The following TLE6 variants were observed in gnomAD, a reference collection of about 807,000 sequenced individuals.
TLE6 encodes the protein transducin-like enhancer protein 6.
Under a neutral mutation model 77.1 loss-of-function variants are expected in TLE6, and 72 were observed. The observed-to-expected ratio is 0.93, with a 90% CI of 0.77 to 1.14. TLE6 has a LOEUF of 1.14. Ranked by LOEUF, TLE6 falls within the 50% of genes most tolerant of loss-of-function variation. The probability of loss-of-function intolerance (pLI) is 0.00; values close to 1 mark genes in which losing one functional copy is unlikely to be tolerated. For synonymous variants in TLE6, 366 were observed against 287.3 expected (o/e 1.27, Z -2.77); for missense variants, 843 against 747.6 (o/e 1.13, Z -1.49).
chr19:2,991,856 T>A lies in TLE6; in HGVS notation c.1258T>A (p.Tyr420Asn). 6.2e-7 allele frequency: 1 copy of A among 1,613,786 alleles called. No individual in the cohort carries two copies. ...DQSVVRDLKG[Y>N]PDGVKSIVVK... The stretch of plus-strand genomic sequence containing the variant: ...CCTTCTGGCCAGGGACCTCAAGGGT[T>A]ATCCTGATGGAGTCAAGAGTATCGT... Residue 420 changes from tyrosine (Y) to asparagine (N), a missense_variant, in exon 14 of 17, where the codon TAT becomes AAT. Transcript: ENST00000246112.
At chr19:2,992,702 G>A (rs929034887) in intron 14 of TLE6, among the ~76,000 whole-genome samples, 2 of 149,896 alleles carry the variant, frequency 1.3e-5, no homozygotes, top group African/African-American at 4.9e-5. Flanking sequence ...TTGAGCCCGG[G>A]GAGGCTGAGG....
chr19:2,987,383 A>C lies in TLE6; in HGVS notation c.558+11A>C. 1 of 1,613,404 alleles carries C rather than the reference A, an allele frequency of 6.2e-7. No homozygotes were observed. The highest frequency in any genetic ancestry group is 1.1e-5 in the South Asian group (1 of 91,046). The stretch of plus-strand genomic sequence containing the variant: ...CAGGCACCAGGCCTGGTGAGTAAAC[A>C]ACCTCAGCTCTATCCAGAGGGGTGG... On this transcript the variant is annotated intron_variant, in intron 8 of 16. Transcript: ENST00000246112.
chr19:2,987,134 T>C lies in TLE6; in HGVS notation c.437T>C (p.Leu146Pro). 1 of 1,614,068 alleles carries C rather than the reference T, an allele frequency of 6.2e-7. No individual in the cohort carries two copies. The highest frequency in any genetic ancestry group is 1.7e-5 in the Admixed American group (1 of 60,006). The change falls in exon 7 of 17, where the codon CTG becomes CCG. Residue 146 changes from leucine (L) to proline (P), a missense_variant. By Grantham distance (98) the Leu-to-Pro change is moderately conservative (BLOSUM62 -3). Coordinates refer to ENST00000246112, the MANE Select transcript of TLE6 (RefSeq NM_001143986.2). ...LGEDNQPETQ[L>P]FWDKEPWFWH... ...GAGGACAATCAGCCGGAGACCCAGC[T>C]GTTCTGGGACAAGGAGCCTTGGTTT...
Position 2,992,793 on chromosome 19 carries a change from A to AACGGT in TLE6, c.1387-639_1387-638insACGGT, listed in dbSNP as rs1487334518. On this transcript the variant is annotated intron_variant, in intron 14 of 16. Transcript: ENST00000246112. ...AGACCCTGTCTCAAAAAAAAAAAAA[A>AACGGT]GGGGGGGAGGCGGGTGGGGGGGGGG... 6.6e-4 allele frequency among the ~76,000 whole-genome samples: 13 copies of AACGGT among 19,760 alleles called. 5 individuals carry two copies. Among genetic ancestry groups the AACGGT allele is most frequent in the Non-Finnish European group, 9.7e-4 (12 of 12,376 alleles). 13.0% of individuals were successfully genotyped at this position (19,760 alleles called of 152,430 possible).
Position 2,989,733 on chromosome 19 carries a change from T to C in TLE6, c.1192T>C (p.Phe398Leu), listed in dbSNP as rs752483396. 1.9e-6 allele frequency: 3 copies of C among 1,614,208 alleles called. No homozygotes were observed. The highest frequency in any genetic ancestry group is 2.5e-6 in the Non-Finnish European group (3 of 1,180,042). Residue 398 changes from phenylalanine to leucine, a missense_variant, in exon 13 of 17, where the codon TTC becomes CTC. By Grantham distance (22) the Phe-to-Leu change is conservative. Coordinates refer to ENST00000246112, the MANE Select transcript of TLE6 (RefSeq NM_001143986.2). The stretch of plus-strand genomic sequence containing the variant: ...GGATGCCAACCTGGCCTTCGCCAGC[T>C]TCACCAGTGGTGTGGTCAGGATCTG... Reference protein sequence around the residue: ...NLDANLAFASFTSGVVRIWDL... With the variant: ...NLDANLAFASLTSGVVRIWDL...
At position 2,995,057 on chromosome 19, in the gene TLE6, C is replaced by T. The variant is rs866617441; in HGVS notation, c.*53C>T. ...GGCTCCTCTTTTCATCCCCCCCCTT[C>T]CCCCCCCCCAACAAGGGGGACATGG... is the stretch of plus-strand genomic sequence containing the variant. On this transcript the variant is annotated 3_prime_UTR_variant, in exon 17 of 17. Transcript: ENST00000246112. 14 of 541,044 alleles carry T rather than the reference C, an allele frequency of 2.6e-5. No individual in the cohort carries two copies. The highest frequency in any genetic ancestry group is 8.5e-5 in the East Asian group (2 of 23,560). 33.5% of individuals were successfully genotyped at this position (541,044 alleles called of 1,614,324 possible). A position where few individuals can be genotyped will look rare whatever the true frequency, so the allele number is the denominator to read the frequency against.
intron 15 of TLE6, 35 bp downstream of exon 15, chr19:2,993,617 G>A (rs1483363005): frequency 2.0e-6 from 3 of 1,527,136 alleles, no homozygotes; most frequent in Non-Finnish European, 1.8e-6. Context: ...GGACTCCCCT[G>A]CAGCCCCCAG....
At position 2,991,420 on chromosome 19, in the gene TLE6, A is replaced by ACACG. The variant is rs2089059605; in HGVS notation, c.1245-420_1245-419insGCAC. On this transcript the variant is annotated intron_variant, in intron 13 of 16. Coordinates refer to ENST00000246112, the MANE Select transcript of TLE6 (RefSeq NM_001143986.2). ...TACACACACACACACACACACACAC[A>ACACG]CACACATATATATAATATATGTATT... 3.4e-5 allele frequency among the ~76,000 whole-genome samples: 5 copies of ACACG among 149,222 alleles called. No homozygotes were observed. In the South Asian group the frequency reaches 1.1e-3, roughly 32 times the overall value.
In TLE6 at chr19:2,989,326, T is replaced by G; in HGVS notation, c.993+13T>G. On this transcript the variant is annotated intron_variant, in intron 12 of 16. Transcript: ENST00000246112. ...CCTGCCTATACAGGTGAGGACGGCCTTGGTTTCCAGGGATGCAGGGCTTCT... is the reference window on the plus strand; with the variant it reads ...CCTGCCTATACAGGTGAGGACGGCCGTGGTTTCCAGGGATGCAGGGCTTCT... The G allele has an allele frequency of 6.2e-7, 1 of 1,610,710 alleles. No individual in the cohort carries two copies. Among genetic ancestry groups the G allele is most frequent in the Non-Finnish European group, 8.5e-7 (1 of 1,178,416 alleles).
intron 15 of TLE6, among the ~76,000 whole-genome samples, 165 bp downstream of exon 15, chr19:2,993,747 G>A (rs150666789): frequency 3.9e-4 from 59 of 152,084 alleles, no homozygotes; most frequent in Admixed American, 3.0e-3. Flanking sequence ...GGGAGGGAAG[G>A]GGGTGGGTGC....
chr19:2,992,779 C>CAA (rs1187737901), intron 14 of TLE6, among the ~76,000 whole-genome samples: 8 of 15,034 alleles, frequency 5.3e-4, no homozygotes, highest in Admixed American at 9.0e-4. Context: ...GACCCTGTCT[C>CAA]AAAAAAAAAA....
chr19:2,982,398 C>T (rs1481378298), intron 5 of TLE6, among the ~76,000 whole-genome samples: 2 of 151,672 alleles, frequency 1.3e-5, no homozygotes, highest in Non-Finnish European at 1.5e-5. Context: ...ATTAGCCAGG[C>T]GTGGTGGCGG....
At chr19:2,987,563 T>A (rs1383599635) in intron 8 of TLE6, 161 bp from the exon 9 acceptor site, 1 of 1,093,544 alleles carries the variant, frequency 9.1e-7, no homozygotes, top group East Asian at 2.5e-5. Flanking sequence ...GCCCAGGGCT[T>A]CCAGGACCCT....
At chr19:2,985,250 A>G (rs1395536592) in intron 5 of TLE6, among the ~76,000 whole-genome samples, 1 of 151,952 alleles carries the variant, frequency 6.6e-6, no homozygotes, top group Non-Finnish European at 1.5e-5. Flanking sequence ...ACTGTCTCAA[A>G]AGAGAAAAAA....
chr19:2,980,027 T>G, intron 2 of TLE6, 73 bp from the exon 3 acceptor site: 13 of 1,163,154 alleles, frequency 1.1e-5, no homozygotes, highest in Non-Finnish European at 1.5e-5. Context: ...CTATGCCATG[T>G]TGAGGTGGAG....
Position 2,995,128 on chromosome 19 carries a change from C to A in TLE6, c.*124C>A. On this transcript the variant is annotated 3_prime_UTR_variant, in exon 17 of 17. Coordinates refer to ENST00000246112, the MANE Select transcript of TLE6 (RefSeq NM_001143986.2). ...CTTCTGTGGCATCGCACGATCTAGT[C>A]TGTGGTGTAGACTGGTCGCCATCAC... The A allele has an allele frequency of 1.6e-6, 1 of 641,964 alleles. No homozygotes were observed. Among genetic ancestry groups the A allele is most frequent in the Non-Finnish European group, 2.7e-6 (1 of 365,538 alleles). 39.8% of individuals were successfully genotyped at this position (641,964 alleles called of 1,614,324 possible).
intron 2 of TLE6, among the ~76,000 whole-genome samples, chr19:2,979,013 G>A (rs529549577): frequency 3.2e-4 from 49 of 152,186 alleles, no homozygotes; most frequent in African/African-American, 1.2e-3. Context: ...ATGCAATGGC[G>A]CAATCTCAGC....
chr19:2,984,818 ATATT>A (rs139811440), intron 5 of TLE6, among the ~76,000 whole-genome samples: 1,785 of 152,142 alleles, frequency 0.012, 44 homozygotes, highest in African/African-American at 0.042. Context: ...ATGCATGACT[ATATT>A]TATGTATTAT....
chr19:2,981,589 C>T lies in TLE6; in HGVS notation c.180+6C>T, dbSNP rs895903933. 1.3e-6 allele frequency: 2 copies of T among 1,551,500 alleles called. No individual in the cohort carries two copies. The highest frequency in any genetic ancestry group is 1.4e-5 in the African/African-American group (1 of 73,148). On this transcript the variant is annotated splice_donor_region_variant and intron_variant, in intron 4 of 16. Coordinates refer to ENST00000246112, the MANE Select transcript of TLE6 (RefSeq NM_001143986.2). ...TGGAGAGCATTTACTACTCGGTGAG[C>T]CAGACCCAGGCAGCCCCAACCAAGG...
Sources: allele counts gnomAD v4.1 joint callset (sites outside exome capture counted in the v4.1 genomes callset), GRCh38; gene constraint gnomAD v4.1.1; transcripts MANE v1.5; gene names NCBI Gene and HGNC (gene_info 2026-07-23, HGNC 2026-07-21).